RRBP1: variants seen among roughly 807,000 people sequenced by gnomAD.
RRBP1 encodes the protein ribosome-binding protein 1.
A neutral mutation model predicts 165.2 loss-of-function variants in RRBP1; 94 were observed. The observed-to-expected ratio is 0.57, with a 90% CI of 0.48 to 0.68. The LOEUF is 0.68. RRBP1 is among the 30% of genes least tolerant of loss of function. The pLI is 0.00. For synonymous variants in RRBP1, 680 were observed against 714.5 expected, an observed-to-expected ratio of 0.95 and a Z score of 0.77; for missense variants, 1,676 against 1,763.0, an observed-to-expected ratio of 0.95 and a Z score of 0.88.
chr20:17,617,862 G>A (rs1223761125), intron 20 of RRBP1, among the ~76,000 whole-genome samples: 1 of 152,242 alleles, frequency 6.6e-6, no homozygotes, highest in Non-Finnish European at 1.5e-5. Context: ...AAAAAACACC[G>A]CAGATCAAAC....
rs754713182 is a variant in RRBP1, at chr20:17,636,635, G to A, written c.2279C>T (p.Ala760Val). The A allele has an allele frequency of 6.2e-7, 1 of 1,612,966 alleles. No individual in the cohort carries two copies. The highest frequency in any genetic ancestry group is 8.5e-7 in the Non-Finnish European group (1 of 1,180,034). The change falls in exon 6 of 25, where the codon GCA (alanine) becomes GTA (valine). Residue 760 changes from alanine to valine, a missense_variant. Ala to Val is a moderately conservative substitution (Grantham distance 64). This residue lies in a region of RRBP1 where 1,184 missense variants were observed against 1,167.1 expected (regional missense o/e 1.01). Transcript: ENST00000377813. ...CTCCCGGTAGCTGGCCTGCATGCGTGCCTGCACAGCCGTGATCTCCTGCTC... is the reference window on the plus strand; with the variant it reads ...CTCCCGGTAGCTGGCCTGCATGCGTACCTGCACAGCCGTGATCTCCTGCTC... ...AREQEITAVQ[A>V]RMQASYREHV...
chr20:17,637,662 C>T (rs573839569), intron 5 of RRBP1, among the ~76,000 whole-genome samples: 34 of 152,334 alleles, frequency 2.2e-4, no homozygotes, highest in Middle Eastern at 3.4e-3. Context: ...GCCAGAGTGT[C>T]CCTCTTGCCT....
Position 17,636,592 on chromosome 20 carries a change from C to T in RRBP1, c.2322G>A (p.Gln774=). 1 of 1,611,982 alleles carries T rather than the reference C, an allele frequency of 6.2e-7. No individual in the cohort carries two copies. The highest frequency in any genetic ancestry group is 1.7e-5 in the Admixed American group (1 of 60,034). The change falls in exon 6 of 25, where the codon CAG becomes CAA. Residue 774 remains glutamine (Q), a synonymous_variant. Transcript: ENST00000377813. Reference sequence around the variant, plus strand: ...CTACACCCACCTTGCCCTGCAGCTGCTGCACCTCCTTCACGTGCTCCCGGT... The same window carrying T: ...CTACACCCACCTTGCCCTGCAGCTGTTGCACCTCCTTCACGTGCTCCCGGT... ...ASYREHVKEV[Q]QLQGKIRTLQ...
intron 2 of RRBP1, among the ~76,000 whole-genome samples, chr20:17,669,566 A>G (rs1339269470): frequency 6.6e-6 from 1 of 152,236 alleles, no homozygotes; most frequent in Non-Finnish European, 1.5e-5. Context: ...CGTCTACTCA[A>G]TATCATATCA....
chr20:17,628,286 C>G (rs1432233569), intron 9 of RRBP1, among the ~76,000 whole-genome samples: 1 of 152,186 alleles, frequency 6.6e-6, no homozygotes, highest in Non-Finnish European at 1.5e-5. Flanking sequence ...AAATGAAGCT[C>G]TAGTTAGACA....
intron 8 of RRBP1, among the ~76,000 whole-genome samples, chr20:17,632,312 G>A (rs1303711917): frequency 1.3e-5 from 2 of 152,170 alleles, no homozygotes; most frequent in East Asian, 1.9e-4. Flanking sequence ...TAGATCCTTC[G>A]TAGGAATGAC....
rs752657241 is a variant in RRBP1, at chr20:17,615,968, A to G, written c.3909T>C (p.Asp1303=). Residue 1303 remains aspartate (D), a synonymous_variant, in exon 22 of 25, where the codon GAT becomes GAC. Transcript: ENST00000377813. The part of the protein sequence containing the change: ...QLEWTEAILE[D]EQTQRQKLTA... The stretch of plus-strand genomic sequence containing the variant: ...TGAGCTTCTGCCGCTGTGTCTGCTC[A>G]TCCTCCAGGATGGCTTCTGTCCACT... 6.3e-5 allele frequency: 101 copies of G among 1,609,260 alleles called. No individual in the cohort carries two copies. The highest frequency in any genetic ancestry group is 8.2e-5 in the Non-Finnish European group (97 of 1,179,908).
chr20:17,648,272 G>A (rs2036499907), intron 3 of RRBP1, among the ~76,000 whole-genome samples: 1 of 152,258 alleles, frequency 6.6e-6, no homozygotes, highest in Non-Finnish European at 1.5e-5. Context: ...GCCTGTGGGG[G>A]AAGTGAGCTT....
chr20:17,639,684 G>A (rs1270805694), intron 5 of RRBP1, among the ~76,000 whole-genome samples: 8 of 152,026 alleles, frequency 5.3e-5, no homozygotes, highest in Admixed American at 1.3e-4. Context: ...ACCTGAGGTC[G>A]GGAGTTCGAG....
At chr20:17,657,512 G>C (rs1045227590) in intron 3 of RRBP1, among the ~76,000 whole-genome samples, 1 of 151,282 alleles carries the variant, frequency 6.6e-6, no homozygotes, top group African/African-American at 2.4e-5. Context: ...CAACACAAAT[G>C]CAATTATTTT....
intron 3 of RRBP1, among the ~76,000 whole-genome samples, chr20:17,657,551 CAAGAA>C (rs931562329): frequency 2.3e-4 from 25 of 107,216 alleles, no homozygotes; most frequent in Non-Finnish European, 3.9e-4. Context: ...TATTTAAAAA[CAAGAA>C]AAGAAAAGAA....
chr20:17,622,564 C>T (rs2035935764), intron 13 of RRBP1, among the ~76,000 whole-genome samples: 1 of 152,072 alleles, frequency 6.6e-6, no homozygotes, highest in Non-Finnish European at 1.5e-5. Flanking sequence ...TCAGAGGAGA[C>T]AGGGACTTTG....
In RRBP1 at chr20:17,660,210, C is replaced by T. The variant is rs774893863; in HGVS notation, c.298G>A (p.Val100Met). 5.6e-6 allele frequency: 9 copies of T among 1,613,726 alleles called. No homozygotes were observed. In the African/African-American group the frequency reaches 1.2e-4, roughly 22 times the overall value. The change falls in exon 3 of 25, where the codon GTG becomes ATG. Residue 100 changes from valine to methionine, a missense_variant. Around this residue, in one of 5 missense-constraint regions of RRBP1, gnomAD observed 392 missense variants for 382.5 expected, o/e 1.02. Coordinates refer to ENST00000377813, the MANE Select transcript of RRBP1 (RefSeq NM_001365613.2). ...PNVTVLLREPVRAPAVAVAPT... is the reference protein window; with the variant it reads ...PNVTVLLREPMRAPAVAVAPT... ...GCCACAGCCACAGCAGGAGCCCGCA[C>T]TGGTTCTCGAAGGAGGACAGTCACA...
intron 2 of RRBP1, among the ~76,000 whole-genome samples, chr20:17,662,988 C>G (rs1031500369): frequency 6.6e-6 from 1 of 152,046 alleles, no homozygotes; most frequent in Admixed American, 6.6e-5. Context: ...CCAACCCAGG[C>G]AACATAGTGA....
chr20:17,641,998 G>A, intron 4 of RRBP1, 79 bp from the exon 5 acceptor site: 3 of 1,468,890 alleles, frequency 2.0e-6, no homozygotes, highest in East Asian at 2.3e-5. Context: ...AAGAGCAGAG[G>A]CCTGAGGGCT....
At chr20:17,629,605 C>A (rs1217343410) in intron 9 of RRBP1, among the ~76,000 whole-genome samples, 1 of 152,000 alleles carries the variant, frequency 6.6e-6, no homozygotes, top group Non-Finnish European at 1.5e-5. Context: ...CATCCCCCCA[C>A]CTCTGGACTG....
At chr20:17,666,946 A>G (rs6111601) in intron 2 of RRBP1, among the ~76,000 whole-genome samples, 18,144 of 152,252 alleles carry the variant, frequency 0.12, 1,395 homozygotes, top group Middle Eastern at 0.24. Context: ...CAGTTCACAG[A>G]AAGTTTCTAT....
chr20:17,619,638 C>T lies in RRBP1; in HGVS notation c.3670G>A (p.Ala1224Thr), dbSNP rs746820251. Residue 1224 changes from alanine to threonine, a missense_variant, in exon 19 of 25, where the codon GCA becomes ACA. Coordinates refer to ENST00000377813, the MANE Select transcript of RRBP1 (RefSeq NM_001365613.2). ...AECQNYAKEV[A>T]GLRQLLLESQ... Reference sequence around the variant, plus strand: ...TCCTTGGGGGGCAGACTCACCCCTGCCACCTCCTTGGCGTAGTTCTGGCAC... The same window carrying T: ...TCCTTGGGGGGCAGACTCACCCCTGTCACCTCCTTGGCGTAGTTCTGGCAC... 1.2e-6 allele frequency: 2 copies of T among 1,610,484 alleles called. No individual in the cohort carries two copies. Among genetic ancestry groups the T allele is most frequent in the African/African-American group, 2.7e-5 (2 of 75,036 alleles).
chr20:17,649,186 A>G (rs910376182), intron 3 of RRBP1, among the ~76,000 whole-genome samples: 1 of 152,232 alleles, frequency 6.6e-6, no homozygotes, highest in African/African-American at 2.4e-5. Context: ...TTTTCTTCAG[A>G]GCTTCAGACC....
Sources: allele counts gnomAD v4.1 joint callset (sites outside exome capture counted in the v4.1 genomes callset), GRCh38; gene constraint gnomAD v4.1.1; regional missense constraint gnomAD v4.1.1; transcripts MANE v1.5; gene names NCBI Gene and HGNC (gene_info 2026-07-23, HGNC 2026-07-21).